The following CROCC variants were observed in gnomAD, a reference collection of about 807,000 sequenced individuals.
CROCC encodes ciliary rootlet coiled-coil, rootletin.
In CROCC, 180 loss-of-function variants were observed where a neutral mutation model predicts 245.2. The observed-to-expected ratio is 0.73, with a 90% CI of 0.65 to 0.83. The LOEUF (loss-of-function observed/expected upper bound fraction) is 0.83. Among genes scored for constraint, CROCC ranks in the 40% least tolerant of loss-of-function variants. CROCC has a pLI of 0.00. For synonymous variants in CROCC, 1,205 were observed against 1,241.6 expected, an observed-to-expected ratio of 0.97 and a Z score of 0.62; for missense variants, 2,688 against 2,779.4, an observed-to-expected ratio of 0.97 and a Z score of 0.74.
Position 16,969,949 on chromosome 1 carries a change from G to A in CROCC, c.5451+15G>A. Reference sequence around the variant, plus strand: ...AGCTACGGGAGGTGAGGGCCAGGGTGTGCCCCCTCTGTCCCCAAGACTGTG... The same window carrying A: ...AGCTACGGGAGGTGAGGGCCAGGGTATGCCCCCTCTGTCCCCAAGACTGTG... On this transcript the variant is annotated intron_variant, in intron 33 of 36. Coordinates refer to ENST00000375541, the MANE Select transcript of CROCC (RefSeq NM_014675.5). The A allele has an allele frequency of 6.4e-7, 1 of 1,571,048 alleles. No homozygotes were observed. The highest frequency in any genetic ancestry group is 8.6e-7 in the Non-Finnish European group (1 of 1,158,064).
intron 25 of CROCC, among the ~76,000 whole-genome samples, chr1:16,957,289 C>A (rs1186457368): frequency 6.6e-6 from 1 of 152,058 alleles, no homozygotes; most frequent in Admixed American, 6.5e-5. Context: ...CTCCTGGAGT[C>A]CCAGCTACTT....
At chr1:16,952,102 G>T (rs1372552259) in intron 20 of CROCC, 4 of 151,708 alleles carry the variant, frequency 2.6e-5, no homozygotes, top group South Asian at 2.1e-4. Flanking sequence ...ATTGGTCAGG[G>T]TGTCTCGAAC....
At chr1:16,932,860 A>G (rs2075708878) in intron 8 of CROCC, among the ~76,000 whole-genome samples, 1 of 152,280 alleles carries the variant, frequency 6.6e-6, no homozygotes, top group African/African-American at 2.4e-5. Context: ...CATTTTAGTT[A>G]GTAATCTTTT....
chr1:16,927,913 C>T (rs559981101), intron 3 of CROCC, among the ~76,000 whole-genome samples: 3 of 152,418 alleles, frequency 2.0e-5, no homozygotes, highest in East Asian at 1.9e-4. Flanking sequence ...TTAGCTCCTC[C>T]CTATTGGTGG....
rs368931112 is a variant in CROCC at position 16,931,375 on chromosome 1, G to A, written c.934G>A (p.Glu312Lys). 142 of 1,611,876 alleles carry A rather than the reference G, an allele frequency of 8.8e-5. No individual in the cohort carries two copies. Among genetic ancestry groups the A allele is most frequent in the Non-Finnish European group, 1.0e-4 (123 of 1,178,576 alleles). Residue 312 changes from glutamate (E) to lysine (K), a missense_variant, in exon 8 of 37, where the codon GAG becomes AAG. This residue lies in a region of CROCC where 972 missense variants were observed against 895.3 expected (regional missense o/e 1.09). Transcript: ENST00000375541. ...QVVGFRRLVSEVKMFTERDLL... is the reference protein window; with the variant it reads ...QVVGFRRLVSKVKMFTERDLL... Reference sequence around the variant, plus strand: ...GGTGGGGTTCCGGCGGCTGGTCAGCGAGGTGAAGATGTTCACTGAGAGGTG... The same window carrying A: ...GGTGGGGTTCCGGCGGCTGGTCAGCAAGGTGAAGATGTTCACTGAGAGGTG...
chr1:16,964,936 C>T (rs2076394608), intron 27 of CROCC, among the ~76,000 whole-genome samples: 1 of 152,152 alleles, frequency 6.6e-6, no homozygotes, highest in Admixed American at 6.5e-5. Flanking sequence ...CTGCCTTGGC[C>T]TCCCAGAGTG....
chr1:16,947,250 G>A (rs1410262453), intron 17 of CROCC, among the ~76,000 whole-genome samples: 1 of 152,272 alleles, frequency 6.6e-6, no homozygotes, highest in Non-Finnish European at 1.5e-5. Flanking sequence ...GCCGAGGCGG[G>A]TGGATCACCT....
chr1:16,920,014 C>T (rs1381677548), upstream of CROCC, among the ~76,000 whole-genome samples: 3 of 152,256 alleles, frequency 2.0e-5, no homozygotes, highest in Admixed American at 6.5e-5. Context: ...GCCTCAGCCT[C>T]CTGAGTAGCT....
chr1:16,929,266 G>A (rs2100353751), intron 3 of CROCC, among the ~76,000 whole-genome samples: 1 of 152,402 alleles, frequency 6.6e-6, no homozygotes, highest in African/African-American at 2.4e-5. Context: ...TTATGTGTGT[G>A]CATATCTTTA....
chr1:16,915,443 G>A (rs1335130605), intron 1 of CROCC, among the ~76,000 whole-genome samples: 7 of 152,386 alleles, frequency 4.6e-5, no homozygotes, highest in African/African-American at 1.4e-4. Flanking sequence ...GAGCCCAGGA[G>A]TTGGAGACTA....
At chr1:16,941,731 CAA>C (rs35924979) in intron 13 of CROCC, among the ~76,000 whole-genome samples, 73 of 132,398 alleles carry the variant, frequency 5.5e-4, no homozygotes, top group Middle Eastern at 3.8e-3. Context: ...GACTCCGTCT[CAA>C]AAAAAAAAAA....
intron 24 of CROCC, 96 bp from the exon 25 acceptor site, chr1:16,955,901 C>T: frequency 6.9e-7 from 1 of 1,450,036 alleles, no homozygotes; most frequent in Non-Finnish European, 9.4e-7. Flanking sequence ...GCAGGCAGTG[C>T]CTGATCCACT....
chr1:16,930,638 G>C, intron 7 of CROCC, 44 bp downstream of exon 7: 1 of 1,574,918 alleles, frequency 6.3e-7, no homozygotes, highest in Non-Finnish European at 8.6e-7. Context: ...CCAAGAGGAA[G>C]GGGCACTGCA....
intron 19 of CROCC, among the ~76,000 whole-genome samples, chr1:16,950,634 A>G (rs1557621196): frequency 6.6e-6 from 1 of 152,266 alleles, no homozygotes; most frequent in Non-Finnish European, 1.5e-5. Context: ...CTGGGATTAC[A>G]GGCGTGAGCC....
intron 32 of CROCC, 138 bp downstream of exon 32, chr1:16,969,478 G>C: frequency 2.2e-6 from 2 of 914,504 alleles, no homozygotes; most frequent in East Asian, 5.3e-5. Flanking sequence ...TTTGAAGGGA[G>C]GGCGTGGGCC....
At chr1:16,956,716 G>T (rs1197768932) in intron 25 of CROCC, among the ~76,000 whole-genome samples, 4 of 150,484 alleles carry the variant, frequency 2.7e-5, no homozygotes, top group East Asian at 1.9e-4. Context: ...CATTTTCGAT[G>T]ATTTAAAAAT....
rs2076095893 is a variant in CROCC, at chr1:16,948,382, G to A, written c.2566G>A (p.Glu856Lys). Residue 856 changes from glutamate to lysine, a missense_variant, in exon 18 of 37, where the codon GAG (glutamate) becomes AAG (lysine). Physicochemically the swap from Glu to Lys is moderately conservative, Grantham distance 56. Around this residue, in one of 9 missense-constraint regions of CROCC, gnomAD observed 295 missense variants for 241.7 expected, o/e 1.22. Transcript: ENST00000375541. ...REQELEQARR[E>K]AQRQVEALER... is the part of the protein sequence containing the mutation. ...GCAGGAGCTGGAGCAGGCCCGGCGG[G>A]AGGCCCAGCGGCAAGTGGAGGCGCT... 5.1e-6 allele frequency: 8 copies of A among 1,578,380 alleles called. No homozygotes were observed. The East Asian group carries it at 1.8e-4, about 36-fold the overall frequency.
rs1234734669 is a variant in CROCC at position 16,948,401 on chromosome 1, A to G, written c.2585A>G (p.Glu862Gly). The G allele has an allele frequency of 1.3e-6, 2 of 1,576,330 alleles. No homozygotes were observed. Among genetic ancestry groups the G allele is most frequent in the Admixed American group, 1.8e-5 (1 of 55,014 alleles). The change falls in exon 18 of 37, where the codon GAG (glutamate) becomes GGG (glycine). Residue 862 changes from glutamate to glycine, a missense_variant. Physicochemically the swap from Glu to Gly is moderately conservative, Grantham distance 98. This residue lies in a region of CROCC where 295 missense variants were observed against 241.7 expected (regional missense o/e 1.22). Transcript: ENST00000375541. ...QARREAQRQV[E>G]ALERAAREKE... is the part of the protein sequence containing the mutation. ...CGGCGGGAGGCCCAGCGGCAAGTGG[A>G]GGCGCTGGAGCGAGCGGCCCGTGAG...
chr1:16,924,321 C>T lies in CROCC; in HGVS notation c.197-4C>T, dbSNP rs761972585. 13 of 1,611,242 alleles carry T rather than the reference C, an allele frequency of 8.1e-6. No homozygotes were observed. The Admixed American group carries it at 1.8e-4, about 23-fold the overall frequency. ...CCAACCATGTGCCCACTGTCCCTTG[C>T]CAGTCCTGCTGCCGGCCACAGAGAT... On this transcript the variant is annotated splice_polypyrimidine_tract_variant and splice_region_variant and intron_variant, in intron 2 of 36. Coordinates refer to ENST00000375541, the MANE Select transcript of CROCC (RefSeq NM_014675.5).
Sources: gnomAD v4.1 joint callset for allele counts (sites outside exome capture counted in the v4.1 genomes callset) on GRCh38, gnomAD v4.1.1 for gene constraint, gnomAD v4.1.1 regional missense constraint, MANE v1.5 for transcripts, NCBI Gene and HGNC (gene_info 2026-07-23, HGNC 2026-07-21) for gene names.